NDOR1: variants seen among roughly 807,000 people sequenced by gnomAD.
NDOR1 encodes NADPH-dependent diflavin oxidoreductase 1.
Under a neutral mutation model 67.2 loss-of-function variants are expected in NDOR1, and 61 were observed. The ratio of observed to expected loss-of-function variants is 0.91; its 90% CI spans 0.74 to 1.12. The LOEUF (loss-of-function observed/expected upper bound fraction) is 1.12. Ranked by LOEUF, NDOR1 falls within the 50% of genes most tolerant of loss-of-function variation. The pLI is 0.00. For synonymous variants in NDOR1, 378 were observed against 343.7 expected, an observed-to-expected ratio of 1.10 and a Z score of -1.10; for missense variants, 878 against 802.8, an observed-to-expected ratio of 1.09 and a Z score of -1.13.
chr9:137,216,310 T>C lies in NDOR1; in HGVS notation c.1688T>C (p.Leu563Pro). The C allele has an allele frequency of 6.2e-7, 1 of 1,612,242 alleles. No homozygotes were observed. Among genetic ancestry groups the C allele is most frequent in the Non-Finnish European group, 8.5e-7 (1 of 1,179,984 alleles). Residue 563 changes from leucine to proline, a missense_variant, in exon 14 of 14, where the codon CTG becomes CCG. Coordinates refer to ENST00000684003, the MANE Select transcript of NDOR1 (RefSeq NM_014434.4). The stretch of plus-strand genomic sequence containing the variant: ...ATGCCAGCGGACGTCTCGGAAGCCC[T>C]GATGTCCATCTTCCAGGAGGAGGGT... ...KSMPADVSEA[L>P]MSIFQEEGGL...
Position 137,215,219 on chromosome 9 carries a change from T to G in NDOR1, c.1173+17T>G. On this transcript the variant is annotated intron_variant, in intron 9 of 13. Transcript: ENST00000684003. ...TCGCTGCTGGTGAGGGGCCTGGTGGTTGGAGCCCAGGACCGGCCCTGGGAA... is the reference window on the plus strand; with the variant it reads ...TCGCTGCTGGTGAGGGGCCTGGTGGGTGGAGCCCAGGACCGGCCCTGGGAA... 1.2e-6 allele frequency: 2 copies of G among 1,606,034 alleles called. No homozygotes were observed. Among genetic ancestry groups the G allele is most frequent in the East Asian group, 4.5e-5 (2 of 44,726 alleles).
At chr9:137,214,519 C>T (rs762009913) in intron 6 of NDOR1, 51 bp from the exon 7 acceptor site, 58 of 1,608,868 alleles carry the variant, frequency 3.6e-5, no homozygotes, top group Admixed American at 2.5e-4. Context: ...TCCGGGGCCC[C>T]GACATCCTCC....
At position 137,217,684 on chromosome 9, in the gene NDOR1, G is replaced by A. The variant is rs766901365; in HGVS notation, c.*1268G>A. On this transcript the variant is annotated 3_prime_UTR_variant, in exon 14 of 14. Transcript: ENST00000684003. Reference sequence around the variant, plus strand: ...CCACTTCCAGTGAGGAGAGCCAGCCGGGAGGTCAGTGCCAGAGCTCTGGTG... The same window carrying A: ...CCACTTCCAGTGAGGAGAGCCAGCCAGGAGGTCAGTGCCAGAGCTCTGGTG... 6 of 302,102 alleles carry A rather than the reference G, an allele frequency of 2.0e-5. No homozygotes were observed. The highest frequency in any genetic ancestry group is 5.1e-5 in the Admixed American group (1 of 19,576). 18.7% of individuals were successfully genotyped at this position (302,102 alleles called of 1,614,324 possible). A position where few individuals can be genotyped will look rare whatever the true frequency, so the allele number is the denominator to read the frequency against.
intron 2 of NDOR1, among the ~76,000 whole-genome samples, chr9:137,208,157 A>AAG (rs1835066627): frequency 6.9e-6 from 1 of 144,934 alleles, no homozygotes; most frequent in South Asian, 2.2e-4. Context: ...AAAAAAAAAA[A>AAG]AAAGAAAAAG....
chr9:137,205,709 C>T lies in NDOR1; in HGVS notation c.-69C>T. ...GCGGAAGGCGGAAGGCGGAGCGGTC[C>T]CTGCAACCCGGCCGGCGGGAACTGC... is the stretch of plus-strand genomic sequence containing the variant. On this transcript the variant is annotated 5_prime_UTR_variant, in exon 1 of 14. Coordinates refer to ENST00000684003, the MANE Select transcript of NDOR1 (RefSeq NM_014434.4). 3 of 1,593,654 alleles carry T rather than the reference C, an allele frequency of 1.9e-6. No homozygotes were observed. Among genetic ancestry groups the T allele is most frequent in the Non-Finnish European group, 2.5e-6 (3 of 1,176,614 alleles).
rs1835651983 is a variant in NDOR1, at chr9:137,217,136, C to T, written c.*720C>T. ...TGCTGGGTGCTGGATGGGTGGGCGT[C>T]CTCTAGCTCCTCCCGGTGCCCTGGG... On this transcript the variant is annotated 3_prime_UTR_variant, in exon 14 of 14. Coordinates refer to ENST00000684003, the MANE Select transcript of NDOR1 (RefSeq NM_014434.4). 2.1e-5 allele frequency: 4 copies of T among 188,166 alleles called. No homozygotes were observed. The South Asian group carries it at 3.0e-4, about 14-fold the overall frequency. 11.7% of individuals were successfully genotyped at this position (188,166 alleles called of 1,614,324 possible).
In NDOR1 at chr9:137,212,481, CAG is replaced by C. The variant is rs765699855; in HGVS notation, c.214-18_214-17del. 3.5e-5 allele frequency: 56 copies of C among 1,610,216 alleles called. No individual in the cohort carries two copies. The highest frequency in any genetic ancestry group is 6.7e-5 in the East Asian group (3 of 44,876). Reference sequence around the variant, plus strand: ...AGCCTAGAGGTCGAGGACTCTGACTCAGAGTTTCCTCCGGCTGTAGAACTTCT... The same window carrying C: ...AGCCTAGAGGTCGAGGACTCTGACTCAGTTTCCTCCGGCTGTAGAACTTCT... On this transcript the variant is annotated intron_variant, in intron 2 of 13. Coordinates refer to ENST00000684003, the MANE Select transcript of NDOR1 (RefSeq NM_014434.4). The surrounding 1 kb of genome is among the most constrained non-coding windows in gnomAD (Gnocchi z 4.3).
In NDOR1 at chr9:137,214,071, G is replaced by C; in HGVS notation, c.512+3G>C. On this transcript the variant is annotated splice_donor_region_variant and intron_variant, in intron 5 of 13. Transcript: ENST00000684003. ...ACTGAGATCCCTCCCGGAGTCCCGTGAGTGTGGGCCCCGGGTCACCCACAG... is the reference window on the plus strand; with the variant it reads ...ACTGAGATCCCTCCCGGAGTCCCGTCAGTGTGGGCCCCGGGTCACCCACAG... 1.3e-6 allele frequency: 2 copies of C among 1,538,600 alleles called. No homozygotes were observed. Among genetic ancestry groups the C allele is most frequent in the South Asian group, 1.2e-5 (1 of 84,132 alleles).
intron 1 of NDOR1, 112 bp downstream of exon 1, chr9:137,206,024 T>C (rs1156296249): frequency 2.0e-6 from 3 of 1,484,134 alleles, no homozygotes; most frequent in African/African-American, 1.4e-5. Context: ...GGTCTTTCCC[T>C]TATGGCGGAT....
chr9:137,207,810 TCAG>T, intron 2 of NDOR1, among the ~76,000 whole-genome samples: 1 of 152,200 alleles, frequency 6.6e-6, no homozygotes, highest in Non-Finnish European at 1.5e-5. Context: ...TTACAGGAGA[TCAG>T]CAACTGAGAG....
In NDOR1 at chr9:137,212,146, G is replaced by A. The variant is rs1022756754; in HGVS notation, c.214-356G>A. Among the ~76,000 whole-genome samples the A allele has an allele frequency of 2.0e-5, 3 of 152,206 alleles. No individual in the cohort carries two copies. Among genetic ancestry groups the A allele is most frequent in the African/African-American group, 4.8e-5 (2 of 41,528 alleles). ...GGTGGAGGTGAGGGACCCCTGGGGC[G>A]GTGGACAGTTTGGAGACCAAGTGCA... On this transcript the variant is annotated intron_variant, in intron 2 of 13. Transcript: ENST00000684003. This position sits in a 1 kb window ranked among gnomAD's most constrained non-coding sequence, Gnocchi z 4.3.
rs570561478 is a variant in NDOR1 at position 137,207,398 on chromosome 9, T to G, written c.213+1089T>G. 2.7e-5 allele frequency among the ~76,000 whole-genome samples: 4 copies of G among 150,672 alleles called. No individual in the cohort carries two copies. The East Asian group carries it at 7.9e-4, about 30-fold the overall frequency. ...CATCCACAGAAATCAGAGAACACGG[T>G]GGGAGTAGGGGGCTGTGCAGGAAGG... On this transcript the variant is annotated intron_variant, in intron 2 of 13. Transcript: ENST00000684003.
chr9:137,213,440 C>T (rs1183945642), intron 3 of NDOR1, among the ~76,000 whole-genome samples: 1 of 152,180 alleles, frequency 6.6e-6, no homozygotes, highest in Non-Finnish European at 1.5e-5. Flanking sequence ...CACATCTTGG[C>T]TGGGGGCCTG....
intron 2 of NDOR1, among the ~76,000 whole-genome samples, chr9:137,209,593 T>G (rs893775513): frequency 6.6e-6 from 1 of 152,156 alleles, no homozygotes; most frequent in African/African-American, 2.4e-5. Context: ...CCAGGGCCCA[T>G]GGCCTCAGAG....
At position 137,214,042 on chromosome 9, in the gene NDOR1, C is replaced by T. The variant is rs772751136; in HGVS notation, c.486C>T (p.Gly162=). The part of the protein sequence containing the change: ...RVLGLYPPPP[G]LTEIPPGVPL... ...TGGGGCTGTACCCGCCGCCTCCGGGCCTCACTGAGATCCCTCCCGGAGTCC... is the reference window on the plus strand; with the variant it reads ...TGGGGCTGTACCCGCCGCCTCCGGGTCTCACTGAGATCCCTCCCGGAGTCC... Residue 162 remains glycine (G), a synonymous_variant, in exon 5 of 14, where the codon GGC becomes GGT. Transcript: ENST00000684003. The T allele has an allele frequency of 6.5e-7, 1 of 1,544,362 alleles. No individual in the cohort carries two copies. Among genetic ancestry groups the T allele is most frequent in the Non-Finnish European group, 8.7e-7 (1 of 1,147,910 alleles).
At position 137,217,360 on chromosome 9, in the gene NDOR1, G is replaced by A. The variant is rs549685558; in HGVS notation, c.*944G>A. The A allele has an allele frequency of 3.9e-5, 6 of 152,624 alleles. No homozygotes were observed. Among genetic ancestry groups the A allele is most frequent in the African/African-American group, 7.2e-5 (3 of 41,588 alleles). 9.5% of individuals were successfully genotyped at this position (152,624 alleles called of 1,614,324 possible). A position where few individuals can be genotyped will look rare whatever the true frequency, so the allele number is the denominator to read the frequency against. On this transcript the variant is annotated 3_prime_UTR_variant, in exon 14 of 14. Transcript: ENST00000684003. Reference sequence around the variant, plus strand: ...GGTGCTGGGAAGGCGGAACCAAGCCGTCCGTGCCGCTAGGGAGCCGAGACT... The same window carrying A: ...GGTGCTGGGAAGGCGGAACCAAGCCATCCGTGCCGCTAGGGAGCCGAGACT...
chr9:137,216,184 G>A lies in NDOR1; in HGVS notation c.1645G>A (p.Ala549Thr). 2 of 1,613,416 alleles carry A rather than the reference G, an allele frequency of 1.2e-6. No homozygotes were observed. Among genetic ancestry groups the A allele is most frequent in the Non-Finnish European group, 1.7e-6 (2 of 1,180,014 alleles). The change falls in exon 13 of 14, where the codon GCA (alanine) becomes ACA (threonine). Residue 549 changes from alanine to threonine, a missense_variant. Coordinates refer to ENST00000684003, the MANE Select transcript of NDOR1 (RefSeq NM_014434.4). ...LDRQGAYFYL[A>T]GNAKSMPADV... ...CCGCCAGGGTGCATACTTCTACCTG[G>A]CAGGGTGAGCTGGCCTGCGTGCAGC...
chr9:137,215,195 C>T lies in NDOR1; in HGVS notation c.1166C>T (p.Ser389Leu), dbSNP rs150718423. The T allele has an allele frequency of 3.3e-3, 5,316 of 1,611,022 alleles. 40 individuals are homozygous for T. Among genetic ancestry groups the T allele is most frequent in the Middle Eastern group, 5.0e-3 (30 of 6,056 alleles). ...CCGAGGGCCTTCTCCATCGCCTCCT[C>T]GCTGCTGGTGAGGGGCCTGGTGGTT... ...IRPRAFSIAS[S>L]LLTHPSRLQI... The change falls in exon 9 of 14, where the codon TCG (serine) becomes TTG (leucine). Residue 389 changes from serine (S) to leucine (L), a missense_variant. Transcript: ENST00000684003.
chr9:137,205,710 C>G lies in NDOR1; in HGVS notation c.-68C>G, dbSNP rs1048080141. On this transcript the variant is annotated 5_prime_UTR_variant, in exon 1 of 14. Coordinates refer to ENST00000684003, the MANE Select transcript of NDOR1 (RefSeq NM_014434.4). ...CGGAAGGCGGAAGGCGGAGCGGTCC[C>G]TGCAACCCGGCCGGCGGGAACTGCC... The G allele has an allele frequency of 7.5e-6, 12 of 1,595,278 alleles. No individual in the cohort carries two copies. In the African/African-American group the frequency reaches 9.4e-5, roughly 12 times the overall value.
Sources: gnomAD v4.1 joint callset for allele counts (sites outside exome capture counted in the v4.1 genomes callset) on GRCh38, gnomAD v4.1.1 for gene constraint, Gnocchi (gnomAD v3.1) non-coding constraint, MANE v1.5 for transcripts, NCBI Gene and HGNC (gene_info 2026-07-23, HGNC 2026-07-21) for gene names.